TAF3: variants seen among roughly 807,000 people sequenced by gnomAD.
TAF3 encodes the protein TATA-box binding protein associated factor 3.
Under a neutral mutation model 80.6 loss-of-function variants are expected in TAF3, and 7 were observed. The observed-to-expected ratio is 0.09, with a 90% CI of 0.05 to 0.16. The LOEUF is 0.16. TAF3 is among the 10% of genes least tolerant of loss of function. TAF3 has a pLI of 1.00. For synonymous variants in TAF3, 444 were observed against 446.1 expected, an observed-to-expected ratio of 1.00 and a Z score of 0.06; for missense variants, 921 against 1,140.2, an observed-to-expected ratio of 0.81 and a Z score of 2.77.
intron 2 of TAF3, among the ~76,000 whole-genome samples, chr10:7,912,065 G>T (rs7099564): frequency 0.19 from 29,549 of 152,074 alleles, 2,992 homozygotes; most frequent in East Asian, 0.3. Context: ...TGTCATTGTA[G>T]TTTGGGAGAT....
At chr10:7,925,870 A>G (rs970702791) in intron 2 of TAF3, among the ~76,000 whole-genome samples, 4 of 151,962 alleles carry the variant, frequency 2.6e-5, no homozygotes, top group South Asian at 2.1e-4. Flanking sequence ...TACAATTTCA[A>G]TACCTTGATT....
chr10:7,854,489 C>G (rs1320564870), intron 2 of TAF3, among the ~76,000 whole-genome samples: 1 of 152,170 alleles, frequency 6.6e-6, no homozygotes, highest in Non-Finnish European at 1.5e-5. Flanking sequence ...ATATACAAAG[C>G]ACTTTCATTA....
intron 4 of TAF3, among the ~76,000 whole-genome samples, chr10:7,982,142 T>G (rs79425017): frequency 0.016 from 2,376 of 152,252 alleles, 32 homozygotes; most frequent in South Asian, 0.051. Flanking sequence ...ATAGTAAATG[T>G]TTTTTATCTC....
At chr10:7,993,637 A>C (rs1045203154) in intron 4 of TAF3, among the ~76,000 whole-genome samples, 1 of 152,160 alleles carries the variant, frequency 6.6e-6, no homozygotes, top group Non-Finnish European at 1.5e-5. Context: ...GCTTGATTAG[A>C]TTTAAGTTCA....
chr10:7,993,189 AG>A (rs1358673092), intron 4 of TAF3, among the ~76,000 whole-genome samples: 1 of 152,046 alleles, frequency 6.6e-6, no homozygotes, highest in Non-Finnish European at 1.5e-5. Context: ...CCTTTTTTGC[AG>A]GGGAAGGGGA....
intron 2 of TAF3, chr10:7,833,891 CT>C: frequency 1.2e-6 from 1 of 808,444 alleles, no homozygotes; most frequent in Non-Finnish European, 1.7e-6. Flanking sequence ...AGCGGTACCC[CT>C]TCAGCCGCTG....
chr10:7,955,579 A>G (rs1838127151), intron 2 of TAF3, among the ~76,000 whole-genome samples: 1 of 152,264 alleles, frequency 6.6e-6, no homozygotes, highest in Admixed American at 6.5e-5. Flanking sequence ...CTTCTATGCC[A>G]TGTGCAAACA....
chr10:7,932,669 ATTTTTTTTTT>A (rs34907761), intron 2 of TAF3, among the ~76,000 whole-genome samples: 6 of 78,820 alleles, frequency 7.6e-5, no homozygotes, highest in East Asian at 3.7e-4. Flanking sequence ...GTTCCACTTA[ATTTTTTTTTT>A]TTTTTTTTTT....
intron 2 of TAF3, among the ~76,000 whole-genome samples, chr10:7,876,338 A>G (rs1360130635): frequency 2.0e-5 from 3 of 152,234 alleles, no homozygotes; most frequent in Non-Finnish European, 4.4e-5. Context: ...AGGTCCTCGT[A>G]TTTCAGACTG....
intron 2 of TAF3, among the ~76,000 whole-genome samples, chr10:7,932,669 ATTTT>A (rs34907761): frequency 2.5e-5 from 2 of 78,808 alleles, no homozygotes. Context: ...GTTCCACTTA[ATTTT>A]TTTTTTTTTT....
chr10:7,866,415 T>C (rs2131141430), intron 2 of TAF3, among the ~76,000 whole-genome samples: 1 of 152,312 alleles, frequency 6.6e-6, no homozygotes, highest in East Asian at 1.9e-4. Context: ...AGGCCTTCTC[T>C]GAGAAGGGAG....
At position 7,965,273 on chromosome 10, in the gene TAF3, A is replaced by G; in HGVS notation, c.1763A>G (p.Tyr588Cys). The G allele has an allele frequency of 6.2e-7, 1 of 1,608,594 alleles. No homozygotes were observed. The highest frequency in any genetic ancestry group is 8.5e-7 in the Non-Finnish European group (1 of 1,178,806). The change falls in exon 3 of 7, where the codon TAC (tyrosine) becomes TGC (cysteine). Residue 588 changes from tyrosine to cysteine, a missense_variant. This residue lies in a region of TAF3 where 743 missense variants were observed against 821.0 expected (regional missense o/e 0.90). Coordinates refer to ENST00000344293, the MANE Select transcript of TAF3 (RefSeq NM_031923.4). ...EFLKEEEADP[Y>C]KFKIKEFEDV... ...CTTAAAGAGGAAGAGGCAGATCCCTACAAGTTTAAAATCAAAGAATTTGAA... is the reference window on the plus strand; with the variant it reads ...CTTAAAGAGGAAGAGGCAGATCCCTGCAAGTTTAAAATCAAAGAATTTGAA...
chr10:7,915,452 G>C (rs1837702049), intron 2 of TAF3, among the ~76,000 whole-genome samples: 1 of 144,988 alleles, frequency 6.9e-6, no homozygotes, highest in African/African-American at 2.5e-5. Context: ...AGACCATCCT[G>C]GCTAACACGG....
chr10:7,983,655 A>T (rs912114977), intron 4 of TAF3, among the ~76,000 whole-genome samples: 1 of 152,156 alleles, frequency 6.6e-6, no homozygotes, highest in African/African-American at 2.4e-5. Flanking sequence ...GAAACATTTC[A>T]TAGGTATTTT....
At chr10:7,917,374 G>A (rs1439727883) in intron 2 of TAF3, among the ~76,000 whole-genome samples, 1 of 152,204 alleles carries the variant, frequency 6.6e-6, no homozygotes. Context: ...AGCAAGTATA[G>A]ATGCTGTCAC....
chr10:8,010,485 G>A (rs893900019), intron 5 of TAF3, among the ~76,000 whole-genome samples: 1 of 152,190 alleles, frequency 6.6e-6, no homozygotes, highest in African/African-American at 2.4e-5. Flanking sequence ...TATGAGCCAG[G>A]TAGTGTTTCT....
At chr10:7,949,198 A>AG (rs1362681252) in intron 2 of TAF3, among the ~76,000 whole-genome samples, 1 of 152,258 alleles carries the variant, frequency 6.6e-6, no homozygotes, top group Non-Finnish European at 1.5e-5. Context: ...AGAAAGAGGA[A>AG]GGGGCTGGTT....
chr10:8,010,763 A>T (rs970109568), intron 5 of TAF3, among the ~76,000 whole-genome samples: 1 of 152,196 alleles, frequency 6.6e-6, no homozygotes, highest in African/African-American at 2.4e-5. Flanking sequence ...AAACAAAATT[A>T]GCTGGGCATG....
At chr10:7,928,475 T>C (rs909647625) in intron 2 of TAF3, among the ~76,000 whole-genome samples, 1 of 152,236 alleles carries the variant, frequency 6.6e-6, no homozygotes, top group Non-Finnish European at 1.5e-5. Flanking sequence ...CTTCAAATTG[T>C]GTCATAGTTT....
Sources: allele counts gnomAD v4.1 joint callset (sites outside exome capture counted in the v4.1 genomes callset), GRCh38; gene constraint gnomAD v4.1.1; regional missense constraint gnomAD v4.1.1; transcripts MANE v1.5; gene names NCBI Gene and HGNC (gene_info 2026-07-23, HGNC 2026-07-21).